The following GGNBP2 variants were observed in gnomAD, a reference collection of about 807,000 sequenced individuals.
The protein encoded by GGNBP2 is gametogenetin binding protein 2, also known as gametogenetin-binding protein 2.
Under a neutral mutation model 85.9 loss-of-function variants are expected in GGNBP2, and 10 were observed. That is an observed-to-expected ratio of 0.12 (90% CI 0.07 to 0.20). GGNBP2 has a LOEUF of 0.20. Among genes scored for constraint, GGNBP2 ranks in the 10% least tolerant of loss-of-function variants. GGNBP2 has a pLI of 1.00. For missense variants in GGNBP2, 595 were observed against 857.8 expected (o/e 0.69, Z 3.83); for synonymous variants, 287 against 285.7 (o/e 1.00, Z -0.05).
intron 4 of GGNBP2, 48 bp from the exon 5 acceptor site, chr17:36,560,725 T>G: frequency 1.8e-6 from 2 of 1,108,236 alleles, no homozygotes; most frequent in Non-Finnish European, 2.6e-6. Flanking sequence ...ATTTTAAAAT[T>G]TGAAAGTAAA....
chr17:36,566,802 G>C (rs1213844431), intron 5 of GGNBP2, among the ~76,000 whole-genome samples: 1 of 152,054 alleles, frequency 6.6e-6, no homozygotes, highest in Non-Finnish European at 1.5e-5. Context: ...GACCTTCCCA[G>C]CTACTTATAC....
chr17:36,577,475 A>G (rs1469437249), intron 6 of GGNBP2: 2 of 154,194 alleles, frequency 1.3e-5, no homozygotes, highest in African/African-American at 2.4e-5. Context: ...CCCCACCCCA[A>G]CCCCTACCCC....
chr17:36,553,978 T>A (rs1187255789), intron 2 of GGNBP2, among the ~76,000 whole-genome samples: 3 of 152,180 alleles, frequency 2.0e-5, no homozygotes, highest in Non-Finnish European at 4.4e-5. Flanking sequence ...TGAATAAGTA[T>A]ATCAATGTGC....
intron 2 of GGNBP2, among the ~76,000 whole-genome samples, chr17:36,551,277 G>C (rs1404332126): frequency 2.0e-5 from 3 of 151,800 alleles, no homozygotes; most frequent in African/African-American, 7.2e-5. Flanking sequence ...CACGATCTTG[G>C]CTCACCACAA....
chr17:36,557,055 ACT>A (rs1217806570), intron 3 of GGNBP2, 26 bp from the exon 4 acceptor site: 3 of 1,606,830 alleles, frequency 1.9e-6, no homozygotes, highest in African/African-American at 1.3e-5. Context: ...TTTAAAGGAC[ACT>A]CTTTCATTTT....
chr17:36,545,934 G>A, intron 2 of GGNBP2, 117 bp downstream of exon 2: 1 of 710,852 alleles, frequency 1.4e-6, no homozygotes, highest in African/African-American at 1.8e-5. Flanking sequence ...ACTCCTAGGC[G>A]AGGCCTTCTC....
chr17:36,587,489 G>C, intron 13 of GGNBP2: 1 of 479,860 alleles, frequency 2.1e-6, no homozygotes, highest in Non-Finnish European at 3.8e-6. Context: ...TATTCCTTGA[G>C]TTACAGTGGG....
intron 5 of GGNBP2, among the ~76,000 whole-genome samples, chr17:36,563,244 C>A (rs1025302417): frequency 6.6e-6 from 1 of 151,392 alleles, no homozygotes; most frequent in African/African-American, 2.4e-5. Context: ...CCAGCCTGGG[C>A]GACAAGAGTG....
intron 6 of GGNBP2, among the ~76,000 whole-genome samples, chr17:36,568,704 C>T (rs2074492703): frequency 6.6e-6 from 1 of 151,880 alleles, no homozygotes; most frequent in Non-Finnish European, 1.5e-5. Context: ...TGTTTTGTTA[C>T]TATAAAAGTA....
chr17:36,577,338 T>C (rs2074601528), intron 6 of GGNBP2: 1 of 152,394 alleles, frequency 6.6e-6, no homozygotes, highest in South Asian at 2.1e-4. Context: ...TTTAAACCAG[T>C]TTCCATGTAT....
chr17:36,587,328 G>T, intron 13 of GGNBP2, 83 bp downstream of exon 13: 1 of 1,409,046 alleles, frequency 7.1e-7, no homozygotes, highest in Non-Finnish European at 1.0e-6. Flanking sequence ...GAGGGCTTAA[G>T]GTAGGTAGTT....
chr17:36,549,993 AGTGGT>A (rs1338372368), intron 2 of GGNBP2, among the ~76,000 whole-genome samples: 1 of 150,778 alleles, frequency 6.6e-6, no homozygotes, highest in Non-Finnish European at 1.5e-5. Flanking sequence ...GCTGGAGTGC[AGTGGT>A]GTGATCTTGG....
chr17:36,587,438 G>A (rs892372995), intron 13 of GGNBP2, 193 bp downstream of exon 13: 4 of 627,876 alleles, frequency 6.4e-6, no homozygotes, highest in African/African-American at 5.5e-5. Flanking sequence ...TCTGGAACAC[G>A]TTTCCATGGC....
rs2142789265 is a variant in GGNBP2 at position 36,585,902 on chromosome 17, A to G, written c.1429A>G (p.Thr477Ala). ...TTCATCTAGCATGGAAGGGAGTGAA[A>G]CAGGTTCTCGGGAGGGTTCGGATGT... ...GYSSSMEGSE[T>A]GSREGSDVAC... Residue 477 changes from threonine to alanine, a missense_variant, in exon 11 of 14, where the codon ACA (threonine) becomes GCA (alanine). Thr to Ala is a moderately conservative substitution (Grantham distance 58). Transcript: ENST00000613102. The G allele has an allele frequency of 6.2e-7, 1 of 1,614,092 alleles. No individual in the cohort carries two copies. The highest frequency in any genetic ancestry group is 2.2e-5 in the East Asian group (1 of 44,878).
chr17:36,587,259 G>A lies in GGNBP2; in HGVS notation c.1890+14G>A, dbSNP rs2074711859. 3.7e-6 allele frequency: 6 copies of A among 1,613,644 alleles called. No individual in the cohort carries two copies. Among genetic ancestry groups the A allele is most frequent in the Non-Finnish European group, 5.1e-6 (6 of 1,179,694 alleles). Reference sequence around the variant, plus strand: ...GTTGAACTCCTTGTAAGTATTCCATGTGGTCTTACTGTACATAACTGTTTG... The same window carrying A: ...GTTGAACTCCTTGTAAGTATTCCATATGGTCTTACTGTACATAACTGTTTG... On this transcript the variant is annotated intron_variant, in intron 13 of 13. Coordinates refer to ENST00000613102, the MANE Select transcript of GGNBP2 (RefSeq NM_024835.5).
At chr17:36,576,586 T>TAA (rs2074588274) in intron 6 of GGNBP2, 1 of 20,534 alleles carries the variant, frequency 4.9e-5, no homozygotes, top group Non-Finnish European at 1.0e-4. Context: ...AAAAAAAAAA[T>TAA]ATATATATAT....
chr17:36,571,613 G>A (rs1177789007), intron 6 of GGNBP2, among the ~76,000 whole-genome samples: 3 of 152,062 alleles, frequency 2.0e-5, no homozygotes, highest in South Asian at 4.2e-4. Context: ...AGGCCGAGGC[G>A]GGCGGATCAT....
At chr17:36,582,231 C>T (rs1274211911) in intron 9 of GGNBP2, 1 of 151,670 alleles carries the variant, frequency 6.6e-6, no homozygotes, top group East Asian at 1.9e-4. Flanking sequence ...AATGTAAAAG[C>T]TATGTAAGGC....
intron 2 of GGNBP2, among the ~76,000 whole-genome samples, chr17:36,551,494 G>A (rs916783634): frequency 6.6e-6 from 1 of 151,578 alleles, no homozygotes; most frequent in Non-Finnish European, 1.5e-5. Context: ...GTGAGCCACC[G>A]GCTTCTTTAT....
Sources: gnomAD v4.1 joint callset for allele counts (sites outside exome capture counted in the v4.1 genomes callset) on GRCh38, gnomAD v4.1.1 for gene constraint, MANE v1.5 for transcripts, NCBI Gene and HGNC (gene_info 2026-07-23, HGNC 2026-07-21) for gene names.